Variants in CFAP299 observed in about 807,000 individuals in gnomAD.
CFAP299 encodes the protein cilia and flagella associated protein 299.
A neutral mutation model predicts 27.0 loss-of-function variants in CFAP299; 21 were observed. That is an observed-to-expected ratio of 0.78 (90% CI 0.55 to 1.12). CFAP299 has a LOEUF of 1.12. Among genes scored for constraint, CFAP299 ranks in the 50% most tolerant of loss-of-function variants. The pLI, the probability that CFAP299 is intolerant of heterozygous loss-of-function variation, is 0.00. For synonymous variants in CFAP299, 104 were observed against 98.1 expected, an observed-to-expected ratio of 1.06 and a Z score of -0.36; for missense variants, 310 against 276.6, an observed-to-expected ratio of 1.12 and a Z score of -0.86.
chr4:80,323,819 A>T, the CFAP299 span, among the ~76,000 whole-genome samples: 1 of 152,188 alleles, frequency 6.6e-6, no homozygotes, highest in African/African-American at 2.4e-5. Context: ...TTAAATTAAC[A>T]GTTAGATTTC....
rs70956066 is a variant in CFAP299, at chr4:80,810,351, G to GACACAC, written c.334-59624_334-59619dup. On this transcript the variant is annotated intron_variant, in intron 3 of 5. Transcript: ENST00000358105. ...TTGAATAATGTGCCCCCCAACCCCT[G>GACACAC]ACACACACACACACACACACACATA... Among the ~76,000 whole-genome samples the GACACAC allele has an allele frequency of 5.3e-3, 776 of 147,776 alleles. 2 individuals carry two copies. The highest frequency in any genetic ancestry group is 0.018 in the Middle Eastern group (5 of 284).
intron 3 of CFAP299, among the ~76,000 whole-genome samples, chr4:80,828,357 G>A (rs1730103399): frequency 1.3e-5 from 2 of 151,968 alleles, no homozygotes. Flanking sequence ...TAGATCAATG[G>A]AATAGAAAAG....
chr4:80,480,429 A>C (rs1363314709), intron 2 of CFAP299, among the ~76,000 whole-genome samples: 1 of 152,006 alleles, frequency 6.6e-6, no homozygotes, highest in Non-Finnish European at 1.5e-5. Context: ...GATTACAGTT[A>C]TACAGTTGTC....
At chr4:80,854,764 C>T (rs1229461935) in intron 3 of CFAP299, among the ~76,000 whole-genome samples, 1 of 135,142 alleles carries the variant, frequency 7.4e-6, no homozygotes, top group African/African-American at 2.9e-5. Flanking sequence ...TTTACTGAGA[C>T]CAGTCATCAT....
At chr4:80,367,513 T>C (rs1017595946) in intron 2 of CFAP299, among the ~76,000 whole-genome samples, 4 of 152,146 alleles carry the variant, frequency 2.6e-5, no homozygotes, top group African/African-American at 7.2e-5. Flanking sequence ...GGCCCTTTTT[T>C]CTCCAAAAAC....
rs769862370 is a variant in CFAP299 at position 80,775,971 on chromosome 4, AG to A, written c.334-94021del. 2.0e-5 allele frequency among the ~76,000 whole-genome samples: 3 copies of A among 152,284 alleles called. No individual in the cohort carries two copies. The East Asian group carries it at 5.8e-4, about 29-fold the overall frequency. Reference sequence around the variant, plus strand: ...CATTTTATAAAAGAAATTGTCTTGTAGAGCAGATGATGGTTCTGGCTCAGGT... The same window carrying A: ...CATTTTATAAAAGAAATTGTCTTGTAAGCAGATGATGGTTCTGGCTCAGGT... On this transcript the variant is annotated intron_variant, in intron 3 of 5. Transcript: ENST00000358105.
intron 4 of CFAP299, among the ~76,000 whole-genome samples, chr4:80,941,593 G>T (rs1199053774): frequency 6.6e-6 from 1 of 152,086 alleles, no homozygotes; most frequent in Non-Finnish European, 1.5e-5. Context: ...TTCACATACA[G>T]CTACAGCTGT....
chr4:80,886,602 A>G (rs1475985156), intron 4 of CFAP299, among the ~76,000 whole-genome samples: 1 of 152,226 alleles, frequency 6.6e-6, no homozygotes, highest in African/African-American at 2.4e-5. Flanking sequence ...GCCTTCCCAA[A>G]GAGGACAAGC....
rs1196350481 is a variant in CFAP299 at position 80,450,206 on chromosome 4, A to C, written c.242+87322A>C. ...ATACCTCATATAACTGCGAACTGTT[A>C]ATTTTACCAGCCTATGTATGTCTTT... On this transcript the variant is annotated intron_variant, in intron 2 of 5. Coordinates refer to ENST00000358105, the MANE Select transcript of CFAP299 (RefSeq NM_152770.3). Among the ~76,000 whole-genome samples the C allele has an allele frequency of 3.3e-5, 5 of 152,216 alleles. No individual in the cohort carries two copies. The East Asian group carries it at 9.6e-4, about 29-fold the overall frequency.
intron 3 of CFAP299, among the ~76,000 whole-genome samples, chr4:80,625,912 G>A (rs1287718706): frequency 1.3e-5 from 2 of 151,872 alleles, no homozygotes; most frequent in Non-Finnish European, 2.9e-5. Context: ...TTTGAAGGGA[G>A]CAATAGATTG....
At chr4:80,460,796 C>A (rs567193655) in intron 2 of CFAP299, among the ~76,000 whole-genome samples, 2 of 152,242 alleles carry the variant, frequency 1.3e-5, no homozygotes, top group Admixed American at 1.3e-4. Flanking sequence ...CCAAAATCTA[C>A]CACCTTCAAC....
At chr4:80,361,253 G>A (rs1386236544) in intron 1 of CFAP299, among the ~76,000 whole-genome samples, 1 of 152,156 alleles carries the variant, frequency 6.6e-6, no homozygotes, top group African/African-American at 2.4e-5. Context: ...AAAGCACACA[G>A]GGATACAAAA....
chr4:80,719,572 A>G (rs1722698284), intron 3 of CFAP299, among the ~76,000 whole-genome samples: 1 of 152,228 alleles, frequency 6.6e-6, no homozygotes, highest in African/African-American at 2.4e-5. Flanking sequence ...TTAAATTAAA[A>G]ACATTTTCCA....
intron 3 of CFAP299, among the ~76,000 whole-genome samples, chr4:80,800,763 G>GTATATATATA (rs1438042749): frequency 9.2e-5 from 12 of 130,772 alleles, no homozygotes; most frequent in African/African-American, 3.6e-4. Context: ...GTGTGTGTGT[G>GTATATATATA]TGTGTATATA....
intron 2 of CFAP299, among the ~76,000 whole-genome samples, chr4:80,380,474 C>CTGGA (rs1724647697): frequency 7.9e-6 from 1 of 126,874 alleles, no homozygotes; most frequent in Non-Finnish European, 1.6e-5. Flanking sequence ...GTTGCACAGG[C>CTGGA]TGGAGTGCAG....
chr4:80,875,848 G>T (rs1400841424), intron 4 of CFAP299, among the ~76,000 whole-genome samples: 2 of 151,936 alleles, frequency 1.3e-5, no homozygotes, highest in Admixed American at 1.3e-4. Context: ...AGGCATTTGA[G>T]TTTGTGACTT....
intron 3 of CFAP299, among the ~76,000 whole-genome samples, chr4:80,852,329 G>A (rs1446234435): frequency 2.6e-5 from 4 of 152,080 alleles, no homozygotes; most frequent in Admixed American, 2.6e-4. Context: ...TCTGGGGATG[G>A]GACTCAGCAA....
chr4:80,893,664 CAA>C (rs202113225), intron 4 of CFAP299, among the ~76,000 whole-genome samples: 3 of 132,402 alleles, frequency 2.3e-5, no homozygotes, highest in Non-Finnish European at 5.1e-5. Flanking sequence ...TGAATACATG[CAA>C]AAAAAAAAAG....
chr4:80,925,198 T>G (rs527262580), intron 4 of CFAP299, among the ~76,000 whole-genome samples: 97 of 152,046 alleles, frequency 6.4e-4, no homozygotes, highest in Middle Eastern at 3.4e-3. Flanking sequence ...TGAAGCTTTC[T>G]AATTTTCATA....
Sources: allele counts gnomAD v4.1 joint callset (sites outside exome capture counted in the v4.1 genomes callset), GRCh38; gene constraint gnomAD v4.1.1; transcripts MANE v1.5; gene names NCBI Gene and HGNC (gene_info 2026-07-23, HGNC 2026-07-21).